The following HS3ST2 variants were observed in gnomAD, a reference collection of about 807,000 sequenced individuals.
HS3ST2 encodes the protein heparan sulfate-glucosamine 3-sulfotransferase 2, also known as heparan sulfate glucosamine 3-O-sulfotransferase 2.
Under a neutral mutation model 26.3 loss-of-function variants are expected in HS3ST2, and 17 were observed. That is an observed-to-expected ratio of 0.65 (90% CI 0.44 to 0.97). The LOEUF (loss-of-function observed/expected upper bound fraction) is 0.97. Among genes scored for constraint, HS3ST2 ranks in the 50% least tolerant of loss-of-function variants. The probability of loss-of-function intolerance (pLI) is 0.00; values close to 1 mark genes in which losing one functional copy is unlikely to be tolerated. For missense variants in HS3ST2, 402 were observed against 501.2 expected (o/e 0.80, Z 1.89); for synonymous variants, 237 against 219.2 (o/e 1.08, Z -0.72).
chr16:22,914,580 C>T (rs1902465300), intron 1 of HS3ST2, among the ~76,000 whole-genome samples: 1 of 150,714 alleles, frequency 6.6e-6, no homozygotes, highest in Admixed American at 6.6e-5. Flanking sequence ...TGGCACACAC[C>T]TGTAGTCCCA....
At chr16:22,832,490 G>A (rs1236661581) in intron 1 of HS3ST2, among the ~76,000 whole-genome samples, 4 of 151,812 alleles carry the variant, frequency 2.6e-5, no homozygotes, top group African/African-American at 7.3e-5. Flanking sequence ...GTGGATGTGG[G>A]CGGTATTCAA....
At chr16:22,815,439 C>T (rs1429352642) in intron 1 of HS3ST2, among the ~76,000 whole-genome samples, 2 of 152,192 alleles carry the variant, frequency 1.3e-5, no homozygotes, top group Non-Finnish European at 2.9e-5. Flanking sequence ...GCTGCCTGAA[C>T]ACGGCACCAT....
At chr16:22,861,058 G>T (rs768298507) in intron 1 of HS3ST2, among the ~76,000 whole-genome samples, 2 of 151,968 alleles carry the variant, frequency 1.3e-5, no homozygotes, top group East Asian at 3.9e-4. Flanking sequence ...AAATTTTTTT[G>T]TAGATATAGG....
intron 1 of HS3ST2, among the ~76,000 whole-genome samples, chr16:22,834,306 C>A (rs1290369269): frequency 6.6e-6 from 1 of 152,102 alleles, no homozygotes; most frequent in East Asian, 1.9e-4. Context: ...TTAGACAAAT[C>A]ATGTGTATAC....
At chr16:22,905,445 T>A (rs1166434219) in intron 1 of HS3ST2, among the ~76,000 whole-genome samples, 1 of 151,956 alleles carries the variant, frequency 6.6e-6, no homozygotes, top group Non-Finnish European at 1.5e-5. Flanking sequence ...TTTCTCTTTT[T>A]TTGGAAGGGG....
intron 1 of HS3ST2, among the ~76,000 whole-genome samples, chr16:22,821,555 C>T (rs944892771): frequency 3.3e-5 from 5 of 151,786 alleles, no homozygotes; most frequent in African/African-American, 4.8e-5. Flanking sequence ...TGGGGCTTTG[C>T]GGGGTAGTGA....
At chr16:22,906,740 G>T (rs773510153) in intron 1 of HS3ST2, among the ~76,000 whole-genome samples, 3 of 152,180 alleles carry the variant, frequency 2.0e-5, no homozygotes, top group Non-Finnish European at 2.9e-5. Context: ...AGTACTAGCT[G>T]CCCAAGGCCA....
At chr16:22,876,800 T>C (rs1482256812) in intron 1 of HS3ST2, among the ~76,000 whole-genome samples, 1 of 152,036 alleles carries the variant, frequency 6.6e-6, no homozygotes, top group Middle Eastern at 3.2e-3. Flanking sequence ...TACTCAGCCA[T>C]AAAAAGGAAC....
At position 22,865,277 on chromosome 16, in the gene HS3ST2, G is replaced by A. The variant is rs143098144; in HGVS notation, c.486-49667G>A. On this transcript the variant is annotated intron_variant, in intron 1 of 1. Transcript: ENST00000261374. ...GTCCAAAAAAAAGTCCTGCTAGGCC[G>A]GGCGCGGTGGCTCATGCCTGTAATC... 5.7e-4 allele frequency among the ~76,000 whole-genome samples: 87 copies of A among 152,130 alleles called. No homozygotes were observed. In the East Asian group the frequency reaches 0.013, roughly 23 times the overall value.
intron 1 of HS3ST2, among the ~76,000 whole-genome samples, chr16:22,879,572 A>C (rs1901961348): frequency 6.6e-6 from 1 of 152,122 alleles, no homozygotes; most frequent in Non-Finnish European, 1.5e-5. Context: ...ACGTGACCCG[A>C]GTGAGCTGGC....
chr16:22,844,860 T>G (rs936166687), intron 1 of HS3ST2, among the ~76,000 whole-genome samples: 2 of 144,142 alleles, frequency 1.4e-5, no homozygotes, highest in East Asian at 2.0e-4. Flanking sequence ...CTTTTCTTTC[T>G]TTTTTTTTTT....
chr16:22,863,537 G>A (rs1901708139), intron 1 of HS3ST2, among the ~76,000 whole-genome samples: 1 of 152,348 alleles, frequency 6.6e-6, no homozygotes, highest in Admixed American at 6.5e-5. Flanking sequence ...GTCACCCAGA[G>A]AGTGAGCATA....
intron 1 of HS3ST2, among the ~76,000 whole-genome samples, chr16:22,842,591 A>AT (rs1901374595): frequency 6.6e-6 from 1 of 151,992 alleles, no homozygotes; most frequent in African/African-American, 2.4e-5. Context: ...ATCAGAATAC[A>AT]TTTTGCTTCC....
At chr16:22,846,984 T>C (rs918296422) in intron 1 of HS3ST2, among the ~76,000 whole-genome samples, 9 of 152,158 alleles carry the variant, frequency 5.9e-5, no homozygotes, top group African/African-American at 2.2e-4. Flanking sequence ...AGATTGTTTT[T>C]AACTTTTATT....
chr16:22,877,317 T>C (rs756251390), intron 1 of HS3ST2, among the ~76,000 whole-genome samples: 4 of 152,116 alleles, frequency 2.6e-5, no homozygotes, highest in African/African-American at 4.8e-5. Context: ...ATACCTTTGT[T>C]TGAGGCTGGC....
Position 22,915,493 on chromosome 16 carries a change from C to T in HS3ST2, c.1035C>T (p.Leu345=). ...TTGATCCTGAAGTGATAGACCAGCT[C>T]CGAGAATTTTATAGACCGTATAATA... ...VQIDPEVIDQ[L]REFYRPYNIK... The change falls in exon 2 of 2, where the codon CTC becomes CTT. Residue 345 remains leucine (L), a synonymous_variant. Coordinates refer to ENST00000261374, the MANE Select transcript of HS3ST2 (RefSeq NM_006043.2). The T allele has an allele frequency of 6.2e-7, 1 of 1,613,964 alleles. No individual in the cohort carries two copies. Among genetic ancestry groups the T allele is most frequent in the Non-Finnish European group, 8.5e-7 (1 of 1,180,012 alleles).
At chr16:22,883,733 A>G (rs1024989096) in intron 1 of HS3ST2, among the ~76,000 whole-genome samples, 2 of 152,250 alleles carry the variant, frequency 1.3e-5, no homozygotes, top group African/African-American at 4.8e-5. Flanking sequence ...AAATAGGTGC[A>G]GATGGAAATT....
chr16:22,850,688 G>A (rs1901506289), intron 1 of HS3ST2, among the ~76,000 whole-genome samples: 1 of 152,182 alleles, frequency 6.6e-6, no homozygotes, highest in South Asian at 2.1e-4. Flanking sequence ...TTGGGAGGCT[G>A]AGGCAGGAGA....
chr16:22,826,169 G>C (rs389843), intron 1 of HS3ST2, among the ~76,000 whole-genome samples: 21,840 of 152,150 alleles, frequency 0.14, 1,678 homozygotes, highest in East Asian at 0.22. Flanking sequence ...AAGGTACAGA[G>C]AAATTCAGCG....
Sources: gnomAD v4.1 joint callset for allele counts (sites outside exome capture counted in the v4.1 genomes callset) on GRCh38, gnomAD v4.1.1 for gene constraint, MANE v1.5 for transcripts, NCBI Gene and HGNC (gene_info 2026-07-23, HGNC 2026-07-21) for gene names.